The following SLC38A2 variants were observed in gnomAD, a reference collection of about 807,000 sequenced individuals.
The protein encoded by SLC38A2 is sodium-coupled neutral amino acid symporter 2.
Under a neutral mutation model 61.5 loss-of-function variants are expected in SLC38A2, and 11 were observed. That is an observed-to-expected ratio of 0.18 (90% CI 0.11 to 0.30). The LOEUF (loss-of-function observed/expected upper bound fraction) is 0.30, where lower values mean the gene tolerates loss of function less well. SLC38A2 is among the 10% of genes least tolerant of loss of function. The probability of loss-of-function intolerance (pLI) is 1.00; values close to 1 mark genes in which losing one functional copy is unlikely to be tolerated. For synonymous variants in SLC38A2, 217 were observed against 212.5 expected, an observed-to-expected ratio of 1.02 and a Z score of -0.18; for missense variants, 522 against 600.4, an observed-to-expected ratio of 0.87 and a Z score of 1.36.
chr12:46,365,306 A>C, intron 7 of SLC38A2, 117 bp from the exon 8 acceptor site: 4 of 857,312 alleles, frequency 4.7e-6, no homozygotes, highest in Non-Finnish European at 7.5e-6. Flanking sequence ...CAAAAAAGAC[A>C]TGTTTGGAAA....
At chr12:46,365,277 T>C in intron 7 of SLC38A2, 88 bp from the exon 8 acceptor site, 2 of 1,008,160 alleles carry the variant, frequency 2.0e-6, no homozygotes, top group Non-Finnish European at 3.1e-6. Flanking sequence ...TTCATAGGAA[T>C]ACCATGAAAA....
In SLC38A2 at chr12:46,363,074, G is replaced by A. The variant is rs771981553; in HGVS notation, c.1126C>T (p.Arg376Cys). ...LGTDILLLIV[R>C]LAVLMAVTLT... ...GTCACAGCCATTAACACAGCCAGAC[G>A]GACAATGAGAAGAAGAATATCAGTT... Residue 376 changes from arginine (R) to cysteine (C), a missense_variant, in exon 13 of 16, where the codon CGT becomes TGT. Around this residue, in one of 3 missense-constraint regions of SLC38A2, gnomAD observed 309 missense variants for 343.9 expected, o/e 0.90. Coordinates refer to ENST00000256689, the MANE Select transcript of SLC38A2 (RefSeq NM_018976.5). 32 of 1,612,926 alleles carry A rather than the reference G, an allele frequency of 2.0e-5. No individual in the cohort carries two copies. The highest frequency in any genetic ancestry group is 8.0e-5 in the African/African-American group (6 of 74,840).
At chr12:46,364,939 T>G in intron 8 of SLC38A2, 168 bp downstream of exon 8, 1 of 714,754 alleles carries the variant, frequency 1.4e-6, no homozygotes, top group Middle Eastern at 3.0e-4. Flanking sequence ...GCACAACATA[T>G]AGTGTCAATT....
intron 14 of SLC38A2, 53 bp downstream of exon 14, chr12:46,362,441 A>G (rs780133477): frequency 2.5e-6 from 4 of 1,593,846 alleles, no homozygotes; most frequent in Non-Finnish European, 3.4e-6. Flanking sequence ...TTCATTCTTT[A>G]AATCTTAAAA....
intron 7 of SLC38A2, among the ~76,000 whole-genome samples, 193 bp downstream of exon 7, chr12:46,366,671 T>C (rs1249949030): frequency 1.3e-5 from 2 of 152,222 alleles, no homozygotes; most frequent in African/African-American, 4.8e-5. Flanking sequence ...ATTGTAGGGC[T>C]AGCTACTATC....
intron 1 of SLC38A2, 170 bp from the exon 2 acceptor site, chr12:46,371,549 G>T (rs547776907): frequency 4.4e-6 from 2 of 457,212 alleles, no homozygotes; most frequent in African/African-American, 4.2e-5. Flanking sequence ...TACAGACGGC[G>T]GAGCCGCGGG....
chr12:46,363,000 G>A (rs1943099705), intron 13 of SLC38A2, 21 bp downstream of exon 13: 1 of 1,610,926 alleles, frequency 6.2e-7, no homozygotes, highest in South Asian at 1.1e-5. Flanking sequence ...CCTACTGAAA[G>A]CAGAGCAAGT....
Position 46,361,048 on chromosome 12 carries a change from T to C in SLC38A2, c.*63A>G, listed in dbSNP as rs1213827594. 1.3e-5 allele frequency: 16 copies of C among 1,243,028 alleles called. No individual in the cohort carries two copies. Among genetic ancestry groups the C allele is most frequent in the Non-Finnish European group, 1.7e-5 (15 of 859,942 alleles). The allele number at this position is 1,243,028 out of a possible 1,614,324, so 77.0% of individuals were successfully genotyped here. The stretch of plus-strand genomic sequence containing the variant: ...ACTGAAAACATTAGGTGAAATTTCA[T>C]AGTAGTTGAGTTTACTCAACACTGG... On this transcript the variant is annotated 3_prime_UTR_variant, in exon 16 of 16. Transcript: ENST00000256689.
rs1390335949 is a variant in SLC38A2 at position 46,363,777 on chromosome 12, T to C, written c.1003A>G (p.Met335Val). ...MNVSKISFFA[M>V]FLMYLLAALF... ...GCGGCAAGCAGATACATGAGAAACA[T>C]AGCAAAAAATGAAATCTTGGACACA... Residue 335 changes from methionine (M) to valine (V), a missense_variant, in exon 12 of 16, where the codon ATG becomes GTG. By Grantham distance (21) the Met-to-Val change is conservative. Transcript: ENST00000256689. 8 of 1,597,942 alleles carry C rather than the reference T, an allele frequency of 5.0e-6. No individual in the cohort carries two copies. The highest frequency in any genetic ancestry group is 1.1e-5 in the South Asian group (1 of 87,488).
intron 8 of SLC38A2, 131 bp downstream of exon 8, chr12:46,364,976 T>C (rs1943124439): frequency 4.6e-6 from 4 of 874,354 alleles, no homozygotes; most frequent in Non-Finnish European, 7.3e-6. Flanking sequence ...AAATTTTGCA[T>C]GCTGTAAGTC....
At chr12:46,361,528 C>G (rs755480752) in intron 15 of SLC38A2, among the ~76,000 whole-genome samples, 1 of 151,894 alleles carries the variant, frequency 6.6e-6, no homozygotes, top group South Asian at 2.1e-4. Context: ...GAATGAAAGT[C>G]AAGTCACAAA....
At position 46,372,537 on chromosome 12, in the gene SLC38A2, T is replaced by G; in HGVS notation, c.-115A>C. Reference sequence around the variant, plus strand: ...GGTGGTCTCTATTCTCACGCAGACGTCTTCAGTGGGTTTCTCTCAGTCAAA... The same window carrying G: ...GGTGGTCTCTATTCTCACGCAGACGGCTTCAGTGGGTTTCTCTCAGTCAAA... On this transcript the variant is annotated 5_prime_UTR_variant, in exon 1 of 16. Transcript: ENST00000256689. 1 of 356,474 alleles carries G rather than the reference T, an allele frequency of 2.8e-6. No individual in the cohort carries two copies. The highest frequency in any genetic ancestry group is 5.0e-6 in the Non-Finnish European group (1 of 199,742). The allele number at this position is 356,474 out of a possible 1,614,324, so 22.1% of individuals were successfully genotyped here. A position where few individuals can be genotyped will look rare whatever the true frequency, so the allele number is the denominator to read the frequency against.
chr12:46,372,366 CT>C (rs1943214752), intron 1 of SLC38A2, 142 bp downstream of exon 1: 1 of 243,284 alleles, frequency 4.1e-6, no homozygotes, highest in Non-Finnish European at 7.8e-6. Flanking sequence ...GGGTGGAAGG[CT>C]GGCCAGCCCA....
At chr12:46,361,515 T>C (rs1177063583) in intron 15 of SLC38A2, among the ~76,000 whole-genome samples, 1 of 152,138 alleles carries the variant, frequency 6.6e-6, no homozygotes, top group African/African-American at 2.4e-5. Context: ...TTGCAATTTT[T>C]TAGAATGAAA....
rs1211018172 is a variant in SLC38A2, at chr12:46,362,477, T to C, written c.1324+17A>G. 3 of 1,595,762 alleles carry C rather than the reference T, an allele frequency of 1.9e-6. No individual in the cohort carries two copies. The highest frequency in any genetic ancestry group is 2.6e-6 in the Non-Finnish European group (3 of 1,174,306). On this transcript the variant is annotated intron_variant, in intron 14 of 15. Coordinates refer to ENST00000256689, the MANE Select transcript of SLC38A2 (RefSeq NM_018976.5). ...TCCCTGATGTTTGAATCCACTTGGA[T>C]ACTTTCTAAAACTTACCAATAAAAC...
At chr12:46,363,390 A>T (rs1592202990) in intron 12 of SLC38A2, among the ~76,000 whole-genome samples, 1 of 152,246 alleles carries the variant, frequency 6.6e-6, no homozygotes, top group African/African-American at 2.4e-5. Flanking sequence ...TTAAGCAGCT[A>T]AATCTCCTGG....
chr12:46,362,169 G>C, intron 15 of SLC38A2, 115 bp downstream of exon 15: 1 of 823,814 alleles, frequency 1.2e-6, no homozygotes, highest in East Asian at 2.8e-5. Context: ...AGAAATGTTT[G>C]CTGGAAACTT....
rs1565826021 is a variant in SLC38A2, at chr12:46,360,199, G to A, written c.*912C>T. On this transcript the variant is annotated 3_prime_UTR_variant, in exon 16 of 16. Transcript: ENST00000256689. ...AGACAGATGCAACTGAATAAACCCT[G>A]TTTTACCCAATTGCACTATTTGGTA... The A allele has an allele frequency of 2.0e-5, 3 of 152,574 alleles. No individual in the cohort carries two copies. The highest frequency in any genetic ancestry group is 2.0e-4 in the Admixed American group (3 of 15,268). The allele number at this position is 152,574 out of a possible 1,614,324, so 9.5% of individuals were successfully genotyped here. A position where few individuals can be genotyped will look rare whatever the true frequency, so the allele number is the denominator to read the frequency against.
Position 46,360,876 on chromosome 12 carries a change from C to A in SLC38A2, c.*235G>T. The stretch of plus-strand genomic sequence containing the variant: ...TGGAATGGAATAAAATTGTCACTTC[C>A]CTTAACCCGAGACTCGTGGTTTTGT... On this transcript the variant is annotated 3_prime_UTR_variant, in exon 16 of 16. Coordinates refer to ENST00000256689, the MANE Select transcript of SLC38A2 (RefSeq NM_018976.5). 1 of 464,662 alleles carries A rather than the reference C, an allele frequency of 2.2e-6. No individual in the cohort carries two copies. The highest frequency in any genetic ancestry group is 3.8e-6 in the Non-Finnish European group (1 of 263,346). The allele number at this position is 464,662 out of a possible 1,614,324, so 28.8% of individuals were successfully genotyped here.
Sources: allele counts gnomAD v4.1 joint callset (sites outside exome capture counted in the v4.1 genomes callset), GRCh38; gene constraint gnomAD v4.1.1; regional missense constraint gnomAD v4.1.1; transcripts MANE v1.5; gene names NCBI Gene and HGNC (gene_info 2026-07-23, HGNC 2026-07-21).